KCNT2: variants seen among roughly 807,000 people sequenced by gnomAD.
The protein encoded by KCNT2 is potassium channel subfamily T member 2.
In KCNT2, 67 loss-of-function variants were observed where a neutral mutation model predicts 153.8. The observed-to-expected ratio is 0.44, with a 90% CI of 0.36 to 0.53. KCNT2 has a LOEUF of 0.53. Ranked by LOEUF, KCNT2 falls within the 20% of genes least tolerant of loss-of-function variation. KCNT2 has a pLI of 0.00. For synonymous variants in KCNT2, 500 were observed against 458.8 expected (o/e 1.09, Z -1.15); for missense variants, 975 against 1,354.8 (o/e 0.72, Z 4.40).
intron 13 of KCNT2, among the ~76,000 whole-genome samples, chr1:196,390,908 TA>T (rs1553310685): frequency 0.019 from 2,651 of 142,848 alleles, 67 homozygotes; most frequent in African/African-American, 0.061. Flanking sequence ...TTTTTTTTTT[TA>T]AAAAAAAACA....
intron 8 of KCNT2, among the ~76,000 whole-genome samples, chr1:196,438,011 A>C (rs532733942): frequency 8.1e-4 from 123 of 151,684 alleles, no homozygotes; most frequent in Non-Finnish European, 1.5e-3. Context: ...GTGCTAACCT[A>C]GGTAAGTTAC....
chr1:196,361,084 ATAGT>A (rs969910697), intron 14 of KCNT2, among the ~76,000 whole-genome samples: 38 of 152,164 alleles, frequency 2.5e-4, no homozygotes, highest in African/African-American at 7.5e-4. Context: ...TTCCCAGGAC[ATAGT>A]TAGTTGAACA....
intron 1 of KCNT2, among the ~76,000 whole-genome samples, chr1:196,542,600 G>A (rs528935138): frequency 1.3e-5 from 2 of 152,206 alleles, no homozygotes; most frequent in South Asian, 4.1e-4. Flanking sequence ...GGCATTAGGA[G>A]CACATAACTC....
At chr1:196,311,002 G>A (rs1017649015) in intron 21 of KCNT2, among the ~76,000 whole-genome samples, 3 of 151,752 alleles carry the variant, frequency 2.0e-5, no homozygotes, top group Admixed American at 6.6e-5. Flanking sequence ...ATATGCTGCC[G>A]CCATATGGAA....
chr1:196,281,740 CA>C (rs901632326), intron 24 of KCNT2, among the ~76,000 whole-genome samples: 81 of 148,086 alleles, frequency 5.5e-4, no homozygotes, highest in African/African-American at 2.0e-3. Flanking sequence ...TGCCAGTTAA[CA>C]AAAAAAAATT....
chr1:196,322,095 G>A (rs1214743108), intron 19 of KCNT2, among the ~76,000 whole-genome samples: 2 of 151,844 alleles, frequency 1.3e-5, no homozygotes, highest in Non-Finnish European at 2.9e-5. Flanking sequence ...TACTGATGAA[G>A]AGTTTTATAT....
intron 1 of KCNT2, among the ~76,000 whole-genome samples, chr1:196,540,083 T>C (rs761227049): frequency 2.6e-5 from 4 of 152,166 alleles, no homozygotes; most frequent in Non-Finnish European, 5.9e-5. Context: ...GGTAGCTCAA[T>C]TTTCCATACT....
intron 1 of KCNT2, among the ~76,000 whole-genome samples, chr1:196,532,023 A>G (rs141512472): frequency 1.3e-3 from 199 of 152,156 alleles, no homozygotes; most frequent in African/African-American, 4.2e-3. Context: ...ATAGTATAGT[A>G]AAGTGTTGGG....
chr1:196,289,552 C>T (rs372918644), intron 22 of KCNT2, among the ~76,000 whole-genome samples: 3 of 152,034 alleles, frequency 2.0e-5, no homozygotes, highest in East Asian at 1.9e-4. Flanking sequence ...TAGTTTAATG[C>T]TTAGAACATT....
At chr1:196,463,397 C>A (rs1210770383) in intron 8 of KCNT2, among the ~76,000 whole-genome samples, 1 of 151,564 alleles carries the variant, frequency 6.6e-6, no homozygotes. Flanking sequence ...GAAGAATACA[C>A]AAAGAAATCA....
At chr1:196,599,016 A>T (rs1475517165) in intron 1 of KCNT2, among the ~76,000 whole-genome samples, 1 of 152,242 alleles carries the variant, frequency 6.6e-6, no homozygotes, top group East Asian at 1.9e-4. Flanking sequence ...GAAACAAAAT[A>T]CTGACAGCTT....
At chr1:196,576,729 T>G (rs1450424437) in intron 1 of KCNT2, among the ~76,000 whole-genome samples, 1 of 152,128 alleles carries the variant, frequency 6.6e-6, no homozygotes, top group Non-Finnish European at 1.5e-5. Context: ...ATATGTATGT[T>G]TATAGTATGC....
chr1:196,296,769 A>C (rs1291246396), intron 22 of KCNT2, among the ~76,000 whole-genome samples: 1 of 152,096 alleles, frequency 6.6e-6, no homozygotes, highest in Non-Finnish European at 1.5e-5. Flanking sequence ...CTGTGAAGTC[A>C]AGGGTTCCTA....
At chr1:196,250,754 A>C (rs571437257) in intron 26 of KCNT2, among the ~76,000 whole-genome samples, 1 of 152,280 alleles carries the variant, frequency 6.6e-6, no homozygotes, top group Admixed American at 6.5e-5. Flanking sequence ...AGAATGTGTA[A>C]GGAGCTCAAA....
chr1:196,529,324 T>G (rs1156234144), intron 1 of KCNT2, among the ~76,000 whole-genome samples: 1 of 152,144 alleles, frequency 6.6e-6, no homozygotes, highest in African/African-American at 2.4e-5. Context: ...GCCTTATCCA[T>G]GTCAGCAAAA....
chr1:196,246,635 A>C (rs1381847423), intron 26 of KCNT2, among the ~76,000 whole-genome samples: 2 of 152,142 alleles, frequency 1.3e-5, no homozygotes, highest in Non-Finnish European at 2.9e-5. Flanking sequence ...GATAAAGTTA[A>C]AGTGTAGAGT....
At chr1:196,594,495 C>T (rs1558118217) in intron 1 of KCNT2, among the ~76,000 whole-genome samples, 3 of 152,004 alleles carry the variant, frequency 2.0e-5, no homozygotes, top group Admixed American at 6.6e-5. Context: ...CTTCTTTATA[C>T]TACAGGACTA....
intron 1 of KCNT2, among the ~76,000 whole-genome samples, chr1:196,529,539 T>C (rs1654674390): frequency 6.6e-6 from 1 of 152,126 alleles, no homozygotes; most frequent in African/African-American, 2.4e-5. Flanking sequence ...CACAAACTCC[T>C]TTCATCCAGT....
intron 8 of KCNT2, among the ~76,000 whole-genome samples, chr1:196,453,974 T>C (rs1346712226): frequency 6.7e-6 from 1 of 149,532 alleles, no homozygotes; most frequent in Non-Finnish European, 1.5e-5. Flanking sequence ...TCACAGCCAA[T>C]TGCATATTTT....
Sources: gnomAD v4.1 joint callset for allele counts (sites outside exome capture counted in the v4.1 genomes callset) on GRCh38, gnomAD v4.1.1 for gene constraint, MANE v1.5 for transcripts, NCBI Gene and HGNC (gene_info 2026-07-23, HGNC 2026-07-21) for gene names.